Variants in TAF3 observed in about 807,000 individuals in gnomAD.
TAF3 encodes transcription initiation factor TFIID subunit 3.
In TAF3, 7 loss-of-function variants were observed where a neutral mutation model predicts 80.6. The observed-to-expected ratio is 0.09, with a 90% CI of 0.05 to 0.16. TAF3 has a LOEUF of 0.16. Ranked by LOEUF, TAF3 falls within the 10% of genes least tolerant of loss-of-function variation. The probability of loss-of-function intolerance (pLI) is 1.00; values close to 1 mark genes in which losing one functional copy is unlikely to be tolerated. For missense variants in TAF3, 921 were observed against 1,140.2 expected (o/e 0.81, Z 2.77); for synonymous variants, 444 against 446.1 (o/e 1.00, Z 0.06).
chr10:8,014,425 A>G (rs572256544), intron 6 of TAF3, among the ~76,000 whole-genome samples: 2 of 152,320 alleles, frequency 1.3e-5, no homozygotes, highest in South Asian at 4.2e-4. Context: ...GGATGAATGA[A>G]CGGATGAGTC....
At chr10:8,002,174 T>TC (rs1230703524) in intron 4 of TAF3, among the ~76,000 whole-genome samples, 1 of 152,146 alleles carries the variant, frequency 6.6e-6, no homozygotes, top group Non-Finnish European at 1.5e-5. Flanking sequence ...TGAAATTAAC[T>TC]CCATTAACCA....
intron 2 of TAF3, among the ~76,000 whole-genome samples, chr10:7,963,652 CCTGTTG>C (rs1564372237): frequency 6.6e-6 from 1 of 151,898 alleles, no homozygotes; most frequent in Non-Finnish European, 1.5e-5. Flanking sequence ...CACATCGGCA[CCTGTTG>C]GGAGGTCGGG....
rs577815383 is a variant in TAF3, at chr10:7,843,356, C to T, written c.409+18796C>T. On this transcript the variant is annotated intron_variant, in intron 2 of 6. Transcript: ENST00000344293. ...ACTCCTGGGCTCAAGCGATCCTCCCCACTCAGCCTCCTAAAGTGGTGGAAT... is the reference window on the plus strand; with the variant it reads ...ACTCCTGGGCTCAAGCGATCCTCCCTACTCAGCCTCCTAAAGTGGTGGAAT... Among the ~76,000 whole-genome samples the T allele has an allele frequency of 1.3e-4, 20 of 152,024 alleles. 1 individual carries two copies. Among genetic ancestry groups the T allele is most frequent in the African/African-American group, 4.6e-4 (19 of 41,468 alleles).
chr10:7,880,011 A>G (rs1178569669), intron 2 of TAF3, among the ~76,000 whole-genome samples: 2 of 152,154 alleles, frequency 1.3e-5, no homozygotes, highest in Admixed American at 6.6e-5. Flanking sequence ...GAAGTTTGAG[A>G]CCAGCTTGGG....
chr10:7,925,064 C>T (rs185187440), intron 2 of TAF3, among the ~76,000 whole-genome samples: 1 of 152,150 alleles, frequency 6.6e-6, no homozygotes, highest in Admixed American at 6.5e-5. Context: ...TGTAGGGTAC[C>T]AAATTTCAAC....
At chr10:7,890,307 G>C (rs1837446201) in intron 2 of TAF3, among the ~76,000 whole-genome samples, 1 of 152,096 alleles carries the variant, frequency 6.6e-6, no homozygotes, top group Non-Finnish European at 1.5e-5. Flanking sequence ...GCCTCTCCCA[G>C]GTACCAAGCC....
chr10:7,820,205 T>C (rs1056498926), intron 1 of TAF3, among the ~76,000 whole-genome samples: 15 of 152,224 alleles, frequency 9.9e-5, no homozygotes, highest in Non-Finnish European at 2.2e-4. Context: ...TATCACTTGC[T>C]CTAGGGAACT....
intron 2 of TAF3, among the ~76,000 whole-genome samples, chr10:7,844,553 A>G (rs770540237): frequency 6.6e-6 from 1 of 151,410 alleles, no homozygotes; most frequent in Non-Finnish European, 1.5e-5. Flanking sequence ...ATTTTTTTGT[A>G]TTTTAGTAGA....
intron 2 of TAF3, among the ~76,000 whole-genome samples, chr10:7,962,719 G>C (rs1005742655): frequency 2.0e-5 from 3 of 152,096 alleles, no homozygotes; most frequent in African/African-American, 7.2e-5. Flanking sequence ...GATTGACCTC[G>C]CTGAGATCTG....
chr10:7,836,455 G>A (rs1292781435), intron 2 of TAF3, among the ~76,000 whole-genome samples: 1 of 152,086 alleles, frequency 6.6e-6, no homozygotes, highest in African/African-American at 2.4e-5. Flanking sequence ...TGTATTTTCA[G>A]TAGAGACGGG....
At chr10:7,838,108 T>C (rs1042550949) in intron 2 of TAF3, among the ~76,000 whole-genome samples, 2 of 152,318 alleles carry the variant, frequency 1.3e-5, no homozygotes, top group South Asian at 4.1e-4. Flanking sequence ...AAAATCATAA[T>C]TGAATTAACC....
intron 2 of TAF3, among the ~76,000 whole-genome samples, chr10:7,856,632 G>T (rs1837082510): frequency 6.6e-6 from 1 of 152,178 alleles, no homozygotes; most frequent in Non-Finnish European, 1.5e-5. Flanking sequence ...AATAAAGCCA[G>T]ATTGTTGCCT....
chr10:7,972,881 C>T (rs1166461582), intron 3 of TAF3, among the ~76,000 whole-genome samples: 2 of 152,104 alleles, frequency 1.3e-5, no homozygotes, highest in African/African-American at 4.8e-5. Flanking sequence ...TACAACTAAC[C>T]CCAGCCATCT....
chr10:8,008,081 C>T (rs476901), intron 4 of TAF3, among the ~76,000 whole-genome samples: 1 of 146,670 alleles, frequency 6.8e-6, no homozygotes, highest in African/African-American at 2.5e-5. Context: ...TGCAGCCCGT[C>T]TGGGAACAAT....
At chr10:7,917,860 G>A (rs1837726188) in intron 2 of TAF3, among the ~76,000 whole-genome samples, 1 of 152,234 alleles carries the variant, frequency 6.6e-6, no homozygotes, top group Non-Finnish European at 1.5e-5. Flanking sequence ...GGCCACTGTG[G>A]ACCTTGACAA....
intron 2 of TAF3, among the ~76,000 whole-genome samples, chr10:7,842,149 TTG>T (rs1371686443): frequency 1.4e-5 from 2 of 138,432 alleles, no homozygotes; most frequent in Non-Finnish European, 3.1e-5. Flanking sequence ...TGAATTAATA[TTG>T]TTTTTTTTTT....
At chr10:7,976,212 CAA>C (rs1831671055) in intron 3 of TAF3, among the ~76,000 whole-genome samples, 1 of 151,926 alleles carries the variant, frequency 6.6e-6, no homozygotes, top group South Asian at 2.1e-4. Flanking sequence ...AAATCCATTC[CAA>C]AAGAGAATAT....
At chr10:7,940,431 A>G (rs1234712964) in intron 2 of TAF3, among the ~76,000 whole-genome samples, 2 of 152,246 alleles carry the variant, frequency 1.3e-5, no homozygotes, top group Non-Finnish European at 2.9e-5. Context: ...GAAGACAAAA[A>G]TGATTTAAGA....
chr10:7,914,135 G>A (rs1236211431), intron 2 of TAF3, among the ~76,000 whole-genome samples: 1 of 152,106 alleles, frequency 6.6e-6, no homozygotes, highest in African/African-American at 2.4e-5. Flanking sequence ...TATAGACTGG[G>A]TACTAAGATT....
Sources: gnomAD v4.1 joint callset for allele counts (sites outside exome capture counted in the v4.1 genomes callset) on GRCh38, gnomAD v4.1.1 for gene constraint, MANE v1.5 for transcripts, NCBI Gene and HGNC (gene_info 2026-07-23, HGNC 2026-07-21) for gene names.